Variants in IPO7 observed in about 807,000 individuals in gnomAD.
IPO7 encodes importin 7, also known as importin-7.
Under a neutral mutation model 136.4 loss-of-function variants are expected in IPO7, and 13 were observed. The ratio of observed to expected loss-of-function variants is 0.10; its 90% confidence interval spans 0.06 to 0.15. The LOEUF (loss-of-function observed/expected upper bound fraction) is 0.15, where lower values mean the gene tolerates loss of function less well. Ranked by LOEUF, IPO7 falls within the 10% of genes least tolerant of loss-of-function variation. The pLI, the probability that IPO7 is intolerant of heterozygous loss-of-function variation, is 1.00. For synonymous variants in IPO7, 403 were observed against 404.4 expected (o/e 1.00, Z 0.04); for missense variants, 857 against 1,240.6 (o/e 0.69, Z 4.65).
rs777845809 is a variant in IPO7 at position 9,438,242 on chromosome 11, T to C, written c.2652T>C (p.Asn884=). The C allele has an allele frequency of 6.2e-6, 10 of 1,604,762 alleles. No homozygotes were observed. In the Admixed American group the frequency reaches 6.7e-5, roughly 11 times the overall value. Residue 884 remains asparagine (N), a synonymous_variant, in exon 22 of 25, where the codon AAT becomes AAC. Transcript: ENST00000379719. ...ATGCCTGCCATGCAGAACATGAGAA[T>C]GACAGTGATGATGATGATGAAGCTG... The part of the protein sequence containing the change: ...RAYACHAEHE[N]DSDDDDEAED...
intron 2 of IPO7, among the ~76,000 whole-genome samples, chr11:9,404,236 C>T (rs944501933): frequency 2.0e-5 from 3 of 152,080 alleles, no homozygotes; most frequent in Non-Finnish European, 2.9e-5. Flanking sequence ...GAGGCCAAGG[C>T]GGGGTTATCA....
intron 12 of IPO7, 48 bp downstream of exon 12, chr11:9,425,310 A>C: frequency 1.8e-6 from 2 of 1,111,722 alleles, no homozygotes; most frequent in Non-Finnish European, 2.8e-6. Flanking sequence ...AGTAGTTTTA[A>C]AAAATAAATA....
chr11:9,444,861 T>C (rs987278487), intron 24 of IPO7, among the ~76,000 whole-genome samples: 4 of 151,920 alleles, frequency 2.6e-5, no homozygotes, highest in Admixed American at 1.3e-4. Context: ...AAAAAGATTT[T>C]TTTCTTAACA....
intron 8 of IPO7, among the ~76,000 whole-genome samples, 182 bp from the exon 9 acceptor site, chr11:9,422,824 A>G (rs1439297922): frequency 9.2e-5 from 14 of 152,172 alleles, no homozygotes; most frequent in South Asian, 6.2e-4. Context: ...CGAAGATAGT[A>G]TATAGTTTTC....
At chr11:9,424,879 A>T (rs1246774390) in intron 10 of IPO7, 35 bp from the exon 11 acceptor site, 2 of 1,247,518 alleles carry the variant, frequency 1.6e-6, no homozygotes, top group Admixed American at 1.9e-5. Flanking sequence ...GAAGAAATTA[A>T]TGTTTATTGT....
chr11:9,411,691 AT>A (rs2133739380), intron 4 of IPO7, among the ~76,000 whole-genome samples: 1 of 152,292 alleles, frequency 6.6e-6, no homozygotes, highest in South Asian at 2.1e-4. Context: ...AGGATTTTCT[AT>A]GAGTATGGTT....
intron 22 of IPO7, among the ~76,000 whole-genome samples, 165 bp downstream of exon 22, chr11:9,438,450 C>T (rs1855414430): frequency 6.6e-6 from 1 of 151,906 alleles, no homozygotes; most frequent in Admixed American, 6.6e-5. Flanking sequence ...TATGGTGAAA[C>T]CCCACCTCTA....
intron 1 of IPO7, among the ~76,000 whole-genome samples, chr11:9,386,080 G>A (rs1854548451): frequency 6.6e-6 from 1 of 152,226 alleles, no homozygotes. Flanking sequence ...AGAAACAGCA[G>A]AAATATTACT....
At chr11:9,406,761 C>G (rs1263923176) in intron 2 of IPO7, among the ~76,000 whole-genome samples, 1 of 152,072 alleles carries the variant, frequency 6.6e-6, no homozygotes, top group African/African-American at 2.4e-5. Context: ...GTAATCCCAG[C>G]TACTCAGGAG....
Position 9,414,435 on chromosome 11 carries a change from A to G in IPO7, c.636+24A>G, listed in dbSNP as rs762030068. 30 of 1,493,066 alleles carry G rather than the reference A, an allele frequency of 2.0e-5. No homozygotes were observed. The South Asian group carries it at 3.4e-4, about 17-fold the overall frequency. 92.5% of individuals were successfully genotyped at this position (1,493,066 alleles called of 1,614,324 possible). On this transcript the variant is annotated intron_variant, in intron 5 of 24. Coordinates refer to ENST00000379719, the MANE Select transcript of IPO7 (RefSeq NM_006391.3). ...AGGTAATATCTGTGAAGCAGTTTTT[A>G]TGCATAAAAAGTTAGTCTGTCATTT...
intron 6 of IPO7, among the ~76,000 whole-genome samples, chr11:9,419,471 C>A (rs1459355476): frequency 6.7e-6 from 1 of 149,220 alleles, no homozygotes; most frequent in Non-Finnish European, 1.5e-5. Context: ...TCACTTGAAC[C>A]AGGGAGGCAG....
chr11:9,399,511 A>C (rs1854763844), intron 1 of IPO7, among the ~76,000 whole-genome samples: 2 of 152,148 alleles, frequency 1.3e-5, no homozygotes, highest in Admixed American at 1.3e-4. Context: ...TTGATATATT[A>C]AATTGGGTTG....
chr11:9,408,551 A>G lies in IPO7; in HGVS notation c.232A>G (p.Ile78Val). 2 of 1,608,208 alleles carry G rather than the reference A, an allele frequency of 1.2e-6. No individual in the cohort carries two copies. The highest frequency in any genetic ancestry group is 1.3e-5 in the African/African-American group (1 of 74,756). The change falls in exon 3 of 25, where the codon ATA becomes GTA. Residue 78 changes from isoleucine to valine, a missense_variant. This residue lies in a region of IPO7 where 287 missense variants were observed against 307.5 expected (regional missense o/e 0.93). Coordinates refer to ENST00000379719, the MANE Select transcript of IPO7 (RefSeq NM_006391.3). ...WPDRETAPGD[I>V]SPYTIPEEDR... ...TGATCGAGAAACAGCACCAGGGGAT[A>G]TATCCCCTTATACTATTCCAGAAGA...
intron 6 of IPO7, 145 bp downstream of exon 6, chr11:9,417,293 A>G: frequency 2.1e-6 from 1 of 470,906 alleles, no homozygotes; most frequent in Non-Finnish European, 3.8e-6. Context: ...GTACCTTTTC[A>G]TTTGTTTATA....
intron 1 of IPO7, among the ~76,000 whole-genome samples, chr11:9,398,935 T>C (rs761291781): frequency 3.3e-5 from 5 of 152,092 alleles, no homozygotes; most frequent in Non-Finnish European, 7.4e-5. Context: ...GTTGAGAAAG[T>C]TTTTAAAAAT....
intron 1 of IPO7, among the ~76,000 whole-genome samples, chr11:9,391,012 C>T (rs973712478): frequency 6.6e-6 from 1 of 152,048 alleles, no homozygotes; most frequent in African/African-American, 2.4e-5. Flanking sequence ...TCAGGTGATC[C>T]ACCCGCCTCT....
chr11:9,405,450 C>T (rs1854869072), intron 2 of IPO7, among the ~76,000 whole-genome samples: 1 of 152,122 alleles, frequency 6.6e-6, no homozygotes, highest in Non-Finnish European at 1.5e-5. Flanking sequence ...GCTGGGATTA[C>T]AGGCGTGAGC....
chr11:9,427,843 T>A (rs1407238925), intron 12 of IPO7, among the ~76,000 whole-genome samples: 2 of 152,254 alleles, frequency 1.3e-5, no homozygotes, highest in African/African-American at 2.4e-5. Context: ...ATGTCCTTTT[T>A]TCTGTTCCAT....
intron 21 of IPO7, 36 bp from the exon 22 acceptor site, chr11:9,438,044 A>ATTTT: frequency 9.7e-7 from 1 of 1,035,530 alleles, no homozygotes; most frequent in Non-Finnish European, 1.3e-6. Flanking sequence ...AAAAGAAAAC[A>ATTTT]GTTTTTTTTT....
Sources: gnomAD v4.1 joint callset for allele counts (sites outside exome capture counted in the v4.1 genomes callset) on GRCh38, gnomAD v4.1.1 for gene constraint, gnomAD v4.1.1 regional missense constraint, MANE v1.5 for transcripts, NCBI Gene and HGNC (gene_info 2026-07-23, HGNC 2026-07-21) for gene names.